TMEM80: variants seen among roughly 807,000 people sequenced by gnomAD.
The protein encoded by TMEM80 is transmembrane protein 80.
A neutral mutation model predicts 13.6 loss-of-function variants in TMEM80; 16 were observed. The ratio of observed to expected loss-of-function variants is 1.17; its 90% CI spans 0.79 to 1.78. TMEM80 has a LOEUF of 1.78. Among genes scored for constraint, TMEM80 ranks in the 40% most tolerant of loss-of-function variants. The probability of loss-of-function intolerance (pLI) is 0.00; values close to 1 mark genes in which losing one functional copy is unlikely to be tolerated. For synonymous variants in TMEM80, 92 were observed against 89.5 expected (o/e 1.03, Z -0.16); for missense variants, 167 against 184.6 (o/e 0.90, Z 0.55).
In TMEM80 at chr11:703,593, T is replaced by C; in HGVS notation, c.*443T>C. ...TTTGTGTTCTGAGATCCCAGTTTAC[T>C]CCGTGGCCAGGCCCCACCTGTGTTT... On this transcript the variant is annotated 3_prime_UTR_variant, in exon 5 of 5. Transcript: ENST00000397510. 1.6e-6 allele frequency: 2 copies of C among 1,233,256 alleles called. No individual in the cohort carries two copies. The highest frequency in any genetic ancestry group is 2.0e-6 in the Non-Finnish European group (2 of 988,938). The allele number at this position is 1,233,256 out of a possible 1,614,324, so 76.4% of individuals were successfully genotyped here.
At chr11:695,679 GGGCCTC>G, upstream of TMEM80, 1 of 1,243,356 alleles carries the variant, frequency 8.0e-7, no homozygotes, top group Non-Finnish European at 1.0e-6. Flanking sequence ...CGGACTAATC[GGGCCTC>G]GGCCGTGGCT....
intron 4 of TMEM80, among the ~76,000 whole-genome samples, chr11:701,406 CTTTTT>C (rs71022955): frequency 1.5e-5 from 1 of 64,898 alleles, no homozygotes; most frequent in East Asian, 5.7e-4. Flanking sequence ...GACAAGGTTT[CTTTTT>C]TTTTTTTTTT....
In TMEM80 at chr11:704,001, G is replaced by A. The variant is rs1027404820; in HGVS notation, c.*851G>A. The A allele has an allele frequency of 1.6e-6, 2 of 1,219,434 alleles. No individual in the cohort carries two copies. The highest frequency in any genetic ancestry group is 1.6e-5 in the African/African-American group (1 of 64,166). The allele number at this position is 1,219,434 out of a possible 1,614,324, so 75.5% of individuals were successfully genotyped here. A position where few individuals can be genotyped will look rare whatever the true frequency, so the allele number is the denominator to read the frequency against. ...GTTCTCCTTAAAAAGTATCTAAGCTGTTACAGTAGCTTTCCCTTCACTTGA... is the reference window on the plus strand; with the variant it reads ...GTTCTCCTTAAAAAGTATCTAAGCTATTACAGTAGCTTTCCCTTCACTTGA... On this transcript the variant is annotated 3_prime_UTR_variant, in exon 5 of 5. Transcript: ENST00000397510.
At chr11:702,909 C>T (rs767721565) in intron 4 of TMEM80, 36 bp from the exon 5 acceptor site, 45 of 1,553,476 alleles carry the variant, frequency 2.9e-5, no homozygotes, top group South Asian at 5.9e-5. Context: ...GGGAGCGCCT[C>T]GCACCACCTT....
chr11:704,274 C>T (rs1861626304), downstream of TMEM80: 1 of 729,288 alleles, frequency 1.4e-6, no homozygotes, highest in African/African-American at 1.9e-5. Context: ...CGGTGGACTC[C>T]TGAGGGCAGG....
chr11:695,873 C>T (rs1590030184), intron 1 of TMEM80, 27 bp downstream of exon 1: 1 of 1,224,912 alleles, frequency 8.2e-7, no homozygotes, highest in Non-Finnish European at 1.0e-6. Flanking sequence ...TGGGGGCTTC[C>T]GGGCTTGCAG....
intron 1 of TMEM80, among the ~76,000 whole-genome samples, chr11:698,287 C>G (rs796578843): frequency 1.3e-5 from 2 of 151,954 alleles, no homozygotes; most frequent in African/African-American, 4.8e-5. Flanking sequence ...ACTCCTCGGG[C>G]TTCCTGTCAT....
chr11:702,873 C>T (rs370348553), intron 4 of TMEM80, 72 bp from the exon 5 acceptor site: 6 of 1,452,354 alleles, frequency 4.1e-6, no homozygotes, highest in Admixed American at 4.0e-5. Flanking sequence ...AGCAGCCCTC[C>T]AGGCACCTGT....
rs573603989 is a variant in TMEM80 at position 696,624 on chromosome 11, C to T, written c.19+778C>T. 1.8e-4 allele frequency among the ~76,000 whole-genome samples: 28 copies of T among 152,266 alleles called. No homozygotes were observed. The East Asian group carries it at 4.2e-3, about 23-fold the overall frequency. On this transcript the variant is annotated intron_variant, in intron 1 of 4. Transcript: ENST00000397510. ...TAAAAAAAAAACTGTAAACATCAGC[C>T]AGGCGGTGGCGCACCCCTGTGGGCC...
At chr11:698,820 A>G (rs1222837240) in intron 1 of TMEM80, 49 bp from the exon 2 acceptor site, 3 of 1,612,746 alleles carry the variant, frequency 1.9e-6, no homozygotes, top group Admixed American at 3.3e-5. Flanking sequence ...GACCCGGGAA[A>G]GCATCCTGGT....
intron 4 of TMEM80, 30 bp from the exon 5 acceptor site, chr11:702,915 A>G: frequency 6.4e-7 from 1 of 1,552,460 alleles, no homozygotes; most frequent in East Asian, 2.3e-5. Context: ...GCCTCGCACC[A>G]CCTTCCCTCC....
chr11:698,932 A>C (rs980596394), intron 2 of TMEM80, 44 bp downstream of exon 2: 3 of 1,612,992 alleles, frequency 1.9e-6, no homozygotes, highest in Non-Finnish European at 2.5e-6. Context: ...CAGAGGCCCG[A>C]ATTGCTGCTG....
chr11:704,386 G>A (rs2133482189), downstream of TMEM80: 1 of 1,170,322 alleles, frequency 8.5e-7, no homozygotes, highest in South Asian at 1.3e-5. Flanking sequence ...CGTGGAAGCG[G>A]TGGGAGCACC....
chr11:702,888 G>C (rs1047122648), intron 4 of TMEM80, 57 bp from the exon 5 acceptor site: 12 of 1,513,280 alleles, frequency 7.9e-6, no homozygotes, highest in Non-Finnish European at 9.9e-6. Flanking sequence ...ACCTGTGGGC[G>C]GTGGGCTCCA....
intron 1 of TMEM80, among the ~76,000 whole-genome samples, chr11:696,792 G>A (rs1381428209): frequency 3.3e-5 from 5 of 152,084 alleles, no homozygotes; most frequent in Non-Finnish European, 7.3e-5. Context: ...AAATTACCCC[G>A]GGGAAGGCCA....
At chr11:697,212 C>T (rs1323759089) in intron 1 of TMEM80, among the ~76,000 whole-genome samples, 1 of 152,128 alleles carries the variant, frequency 6.6e-6, no homozygotes, top group African/African-American at 2.4e-5. Flanking sequence ...TGTGATCAGG[C>T]CACTGCACTC....
intron 4 of TMEM80, chr11:701,031 C>T (rs539311976): frequency 4.9e-6 from 2 of 411,078 alleles, no homozygotes; most frequent in East Asian, 1.0e-4. Flanking sequence ...TATTCACCAG[C>T]ACCCCTTTCC....
At chr11:704,190 C>A, downstream of TMEM80, 1 of 1,047,058 alleles carries the variant, frequency 9.6e-7, no homozygotes, top group African/African-American at 1.7e-5. Flanking sequence ...TGCAAGAGAG[C>A]ACACCCCACT....
At position 700,638 on chromosome 11, in the gene TMEM80, C is replaced by T. The variant is rs370532660; in HGVS notation, c.157C>T (p.Arg53Cys). 46 of 1,613,952 alleles carry T rather than the reference C, an allele frequency of 2.9e-5. No individual in the cohort carries two copies. The highest frequency in any genetic ancestry group is 1.5e-4 in the African/African-American group (11 of 74,892). The change falls in exon 4 of 5, where the codon CGC becomes TGC. Residue 53 changes from arginine (R) to cysteine (C), a missense_variant. Physicochemically the swap from Arg to Cys is radical, Grantham distance 180. Transcript: ENST00000397510. ...YKSQVFSYPH[R>C]YLVLDLALLF... ...AGGTCAGGTGTTCAGCTATCCTCACCGCTACCTGGTCCTCGATCTTGCTCT... is the reference window on the plus strand; with the variant it reads ...AGGTCAGGTGTTCAGCTATCCTCACTGCTACCTGGTCCTCGATCTTGCTCT...
Sources: allele counts gnomAD v4.1 joint callset (sites outside exome capture counted in the v4.1 genomes callset), GRCh38; gene constraint gnomAD v4.1.1; transcripts MANE v1.5; gene names NCBI Gene and HGNC (gene_info 2026-07-23, HGNC 2026-07-21).